The following TMTC1 variants were observed in gnomAD, a reference collection of about 807,000 sequenced individuals.
TMTC1 encodes protein O-mannosyl-transferase TMTC1.
TMTC1 carries 73 observed loss-of-function variants against 104.8 expected under a neutral mutation model. The ratio of observed to expected loss-of-function variants is 0.70; its 90% CI spans 0.58 to 0.85. The LOEUF (loss-of-function observed/expected upper bound fraction) is 0.85. Ranked by LOEUF, TMTC1 falls within the 40% of genes least tolerant of loss-of-function variation. TMTC1 has a pLI of 0.00. For missense variants in TMTC1, 1,035 were observed against 1,096.1 expected, an observed-to-expected ratio of 0.94 and a Z score of 0.79; for synonymous variants, 434 against 428.7, an observed-to-expected ratio of 1.01 and a Z score of -0.15.
At chr12:29,604,758 GC>G (rs1946654249) in intron 6 of TMTC1, among the ~76,000 whole-genome samples, 1 of 152,158 alleles carries the variant, frequency 6.6e-6, no homozygotes, top group African/African-American at 2.4e-5. Context: ...ACCAGGAGAA[GC>G]AAAGTTTAAC....
At chr12:29,537,338 A>G (rs540946462) in intron 10 of TMTC1, among the ~76,000 whole-genome samples, 1 of 152,294 alleles carries the variant, frequency 6.6e-6, no homozygotes, top group African/African-American at 2.4e-5. Context: ...ACATAACATT[A>G]TTAATGTATT....
chr12:29,693,172 A>G (rs1192953859), intron 5 of TMTC1, among the ~76,000 whole-genome samples: 1 of 145,226 alleles, frequency 6.9e-6, no homozygotes, highest in East Asian at 2.3e-4. Context: ...ATTTAAATAC[A>G]TACGATGTGT....
chr12:29,723,061 TA>T (rs1173571136), intron 5 of TMTC1, among the ~76,000 whole-genome samples: 1 of 152,018 alleles, frequency 6.6e-6, no homozygotes, highest in African/African-American at 2.4e-5. Context: ...ATGTAAATTA[TA>T]AAGAGTACCT....
At chr12:29,759,350 A>T (rs1943291151) in intron 2 of TMTC1, among the ~76,000 whole-genome samples, 1 of 151,992 alleles carries the variant, frequency 6.6e-6, no homozygotes, top group Admixed American at 6.5e-5. Context: ...TACAAAAATT[A>T]GCCACGCATG....
At position 29,567,764 on chromosome 12, in the gene TMTC1, G is replaced by T. The variant is rs71453746; in HGVS notation, c.1532+4341C>A. ...TTTTTAAAATACTCATTGACTCCTG[G>T]TTTTTAAAACATGTTCAAACTTCAC... On this transcript the variant is annotated intron_variant, in intron 9 of 17. Coordinates refer to ENST00000539277, the MANE Select transcript of TMTC1 (RefSeq NM_001193451.2). Among the ~76,000 whole-genome samples, 1,438 of 152,246 alleles carry T rather than the reference G, an allele frequency of 9.4e-3. 17 individuals are homozygous for T. The highest frequency in any genetic ancestry group is 0.036 in the South Asian group (176 of 4,826).
chr12:29,631,083 ATCTTT>A (rs1938271965), intron 6 of TMTC1, among the ~76,000 whole-genome samples: 1 of 152,092 alleles, frequency 6.6e-6, no homozygotes, highest in Non-Finnish European at 1.5e-5. Context: ...GTCTACTTGG[ATCTTT>A]TCTCCATTTT....
chr12:29,506,700 A>G lies in TMTC1; in HGVS notation c.*146T>C. The G allele has an allele frequency of 1.0e-6, 1 of 1,003,022 alleles. No homozygotes were observed. Among genetic ancestry groups the G allele is most frequent in the Admixed American group, 2.1e-5 (1 of 46,652 alleles). 62.1% of individuals were successfully genotyped at this position (1,003,022 alleles called of 1,614,324 possible). A position where few individuals can be genotyped will look rare whatever the true frequency, so the allele number is the denominator to read the frequency against. On this transcript the variant is annotated 3_prime_UTR_variant, in exon 18 of 18. Transcript: ENST00000539277. Reference sequence around the variant, plus strand: ...GCAAGTCCTTCAGCACTGGGCTACCAGCAGATGTCCCAAAATGTGTCACCC... The same window carrying G: ...GCAAGTCCTTCAGCACTGGGCTACCGGCAGATGTCCCAAAATGTGTCACCC...
intron 9 of TMTC1, among the ~76,000 whole-genome samples, chr12:29,558,759 T>C (rs1297881525): frequency 6.6e-6 from 1 of 152,212 alleles, no homozygotes; most frequent in African/African-American, 2.4e-5. Context: ...GGGTCTCTGA[T>C]ACTGGCCCCA....
chr12:29,656,399 A>G (rs2136623459), intron 5 of TMTC1, among the ~76,000 whole-genome samples: 1 of 142,918 alleles, frequency 7.0e-6, no homozygotes, highest in African/African-American at 2.6e-5. Flanking sequence ...TCGCTCTGTC[A>G]CCCAGGCTGG....
At chr12:29,774,596 C>A (rs1943666648) in intron 1 of TMTC1, among the ~76,000 whole-genome samples, 1 of 152,176 alleles carries the variant, frequency 6.6e-6, no homozygotes, top group Non-Finnish European at 1.5e-5. Flanking sequence ...TATTACTGTT[C>A]ATCTTTCTTT....
Position 29,692,272 on chromosome 12 carries a change from C to T in TMTC1, c.939-58936G>A, listed in dbSNP as rs1016534951. ...CTTCCCATCAACATCATCTTTATTT[C>T]GCTTTTCTTCTCAATTCTTCTTATA... On this transcript the variant is annotated intron_variant, in intron 5 of 17. Coordinates refer to ENST00000539277, the MANE Select transcript of TMTC1 (RefSeq NM_001193451.2). 3.4e-5 allele frequency among the ~76,000 whole-genome samples: 5 copies of T among 145,104 alleles called. 1 individual carries two copies. Among genetic ancestry groups the T allele is most frequent in the Admixed American group, 2.1e-4 (3 of 14,036 alleles).
At position 29,716,667 on chromosome 12, in the gene TMTC1, TAC is replaced by T. The variant is rs140287296; in HGVS notation, c.938+34997_938+34998del. Among the ~76,000 whole-genome samples the T allele has an allele frequency of 5.3e-3, 809 of 152,218 alleles. 3 individuals are homozygous for T. Among genetic ancestry groups the T allele is most frequent in the Non-Finnish European group, 9.1e-3 (622 of 68,008 alleles). On this transcript the variant is annotated intron_variant, in intron 5 of 17. Coordinates refer to ENST00000539277, the MANE Select transcript of TMTC1 (RefSeq NM_001193451.2). ...ATTGTATAAAATTAAAATAAAATTC[TAC>T]AAGCCAAATGGAATAAAAACGTTAG...
intron 8 of TMTC1, among the ~76,000 whole-genome samples, chr12:29,579,282 C>T (rs1945910064): frequency 6.6e-6 from 1 of 152,196 alleles, no homozygotes; most frequent in African/African-American, 2.4e-5. Context: ...CATGTGTTTA[C>T]ATTTTGTCTT....
At chr12:29,677,290 G>A (rs1216659397) in intron 5 of TMTC1, among the ~76,000 whole-genome samples, 1 of 152,002 alleles carries the variant, frequency 6.6e-6, no homozygotes, top group Non-Finnish European at 1.5e-5. Context: ...TTTTGTTGTT[G>A]TTTATTTGTT....
intron 5 of TMTC1, among the ~76,000 whole-genome samples, chr12:29,692,685 T>C (rs1026279158): frequency 6.9e-6 from 1 of 145,202 alleles, no homozygotes; most frequent in Admixed American, 7.1e-5. Context: ...CACAAACACT[T>C]ATATGTGAAT....
At chr12:29,606,426 C>A (rs182353140) in intron 6 of TMTC1, among the ~76,000 whole-genome samples, 51 of 152,246 alleles carry the variant, frequency 3.3e-4, no homozygotes, top group Non-Finnish European at 5.1e-4. Flanking sequence ...TGAAAACAGA[C>A]CCCAAATAAA....
chr12:29,695,813 AT>A (rs1565775624), intron 5 of TMTC1, among the ~76,000 whole-genome samples: 5,872 of 112,950 alleles, frequency 0.052, 339 homozygotes, highest in Middle Eastern at 0.1. Context: ...ATATATATAT[AT>A]ATATATATAT....
intron 5 of TMTC1, among the ~76,000 whole-genome samples, chr12:29,647,654 T>C (rs1256717545): frequency 6.6e-6 from 1 of 152,156 alleles, no homozygotes; most frequent in Non-Finnish European, 1.5e-5. Flanking sequence ...CTATTTCCTA[T>C]CTTGATCTTT....
At chr12:29,751,560 G>T in intron 5 of TMTC1, 106 bp downstream of exon 5, 1 of 1,152,728 alleles carries the variant, frequency 8.7e-7, no homozygotes, top group Non-Finnish European at 1.3e-6. Context: ...AGAGAGGGAG[G>T]TCACAGTGTG....
Sources: allele counts gnomAD v4.1 joint callset (sites outside exome capture counted in the v4.1 genomes callset), GRCh38; gene constraint gnomAD v4.1.1; transcripts MANE v1.5; gene names NCBI Gene and HGNC (gene_info 2026-07-23, HGNC 2026-07-21).